The following PCDHGB2 variants were observed in gnomAD, a reference collection of about 807,000 sequenced individuals.
The protein encoded by PCDHGB2 is protocadherin gamma-B2.
Under a neutral mutation model 59.3 loss-of-function variants are expected in PCDHGB2, and 55 were observed. The ratio of observed to expected loss-of-function variants is 0.93; its 90% CI spans 0.75 to 1.16. The LOEUF is 1.16. Among genes scored for constraint, PCDHGB2 ranks in the 50% most tolerant of loss-of-function variants. PCDHGB2 has a pLI of 0.00. For missense variants in PCDHGB2, 1,228 were observed against 1,198.5 expected, an observed-to-expected ratio of 1.02 and a Z score of -0.36; for synonymous variants, 516 against 512.0, an observed-to-expected ratio of 1.01 and a Z score of -0.11.
At chr5:141,385,354 G>A (rs1781142945) in intron 1 of PCDHGB2, 1 of 1,550,398 alleles carries the variant, frequency 6.4e-7, no homozygotes, top group South Asian at 1.2e-5. Context: ...ATTTCCATGA[G>A]GAATTTATTT....
rs1326093295 is a variant in PCDHGB2 at position 141,364,677 on chromosome 5, T to TTTC, written c.2421+2123_2421+2124insCTT. The stretch of plus-strand genomic sequence containing the variant: ...ATCTTGGTTGAGAACAAAATGAAAA[T>TTTC]TTATGGAGTAGAAGTAGAAATAATC... On this transcript the variant is annotated intron_variant, in intron 1 of 3. Coordinates refer to ENST00000522605, the MANE Select transcript of PCDHGB2 (RefSeq NM_018923.3). The TTTC allele has an allele frequency of 3.7e-6, 6 of 1,613,806 alleles. No homozygotes were observed. In the African/African-American group the frequency reaches 6.7e-5, roughly 18 times the overall value.
intron 1 of PCDHGB2, chr5:141,413,488 C>T (rs2095648022): frequency 3.1e-6 from 5 of 1,613,868 alleles, no homozygotes; most frequent in Non-Finnish European, 3.4e-6. Context: ...TCAGAGCGCG[C>T]GGTGCGTGGT....
intron 3 of PCDHGB2, 43 bp downstream of exon 3, chr5:141,505,524 G>A: frequency 6.2e-7 from 1 of 1,612,712 alleles, no homozygotes; most frequent in Non-Finnish European, 8.5e-7. Context: ...GGAGACCTGG[G>A]GTTCTGGGGT....
At chr5:141,423,029 A>C (rs1049470142) in intron 1 of PCDHGB2, 1 of 1,614,218 alleles carries the variant, frequency 6.2e-7, no homozygotes, top group Non-Finnish European at 8.5e-7. Context: ...GATTCAGGCC[A>C]GAACGCCTGG....
intron 1 of PCDHGB2, chr5:141,403,631 C>A (rs751580878): frequency 2.5e-6 from 4 of 1,613,912 alleles, no homozygotes; most frequent in Non-Finnish European, 2.5e-6. Flanking sequence ...CAGCACAGTG[C>A]GCATCCATGT....
Position 141,395,354 on chromosome 5 carries a change from T to A in PCDHGB2, c.2421+32798T>A, listed in dbSNP as rs375237289. ...ATAATTTTTAAGGTGTATCACAGAG[T>A]TTTGGGTTTATTTTGGTGGTGTTAC... On this transcript the variant is annotated intron_variant, in intron 1 of 3. Coordinates refer to ENST00000522605, the MANE Select transcript of PCDHGB2 (RefSeq NM_018923.3). 28 of 1,357,052 alleles carry A rather than the reference T, an allele frequency of 2.1e-5. No homozygotes were observed. The Middle Eastern group carries it at 1.0e-3, about 51-fold the overall frequency. 84.1% of individuals were successfully genotyped at this position (1,357,052 alleles called of 1,614,324 possible).
chr5:141,405,192 G>A (rs2154536235), intron 1 of PCDHGB2: 5 of 1,613,938 alleles, frequency 3.1e-6, no homozygotes, highest in East Asian at 2.2e-5. Context: ...GATGGGGTTC[G>A]AGCTTTCCTA....
Position 141,491,034 on chromosome 5 carries a change from T to G in PCDHGB2, c.2422-3773T>G, listed in dbSNP as rs375902824. 1 of 1,614,170 alleles carries G rather than the reference T, an allele frequency of 6.2e-7. No homozygotes were observed. The highest frequency in any genetic ancestry group is 8.5e-7 in the Non-Finnish European group (1 of 1,180,024). On this transcript the variant is annotated intron_variant, in intron 1 of 3. Coordinates refer to ENST00000522605, the MANE Select transcript of PCDHGB2 (RefSeq NM_018923.3). The surrounding 1 kb of genome is among the most constrained non-coding windows in gnomAD (Gnocchi z 6.9). ...CCAAGGTGACAGCCGTGGATGCTGATGCAGGCCACAATGCGTGGCTCTCCT... is the reference window on the plus strand; with the variant it reads ...CCAAGGTGACAGCCGTGGATGCTGAGGCAGGCCACAATGCGTGGCTCTCCT...
At chr5:141,463,834 A>G (rs1212299231) in intron 1 of PCDHGB2, among the ~76,000 whole-genome samples, 4 of 152,108 alleles carry the variant, frequency 2.6e-5, no homozygotes, top group East Asian at 1.9e-4. Flanking sequence ...TCCACTTCCC[A>G]GTTGTTATAG....
At chr5:141,469,079 C>T (rs1169035651) in intron 1 of PCDHGB2, among the ~76,000 whole-genome samples, 1 of 151,492 alleles carries the variant, frequency 6.6e-6, no homozygotes, top group Non-Finnish European at 1.5e-5. Context: ...GAGTTTGAGA[C>T]CATTCTAGGC....
At chr5:141,415,754 T>TTG in intron 1 of PCDHGB2, 4 of 1,385,736 alleles carry the variant, frequency 2.9e-6, no homozygotes, top group South Asian at 1.7e-5. Flanking sequence ...TTTTTTTTTT[T>TTG]TTTTTTTTTT....
intron 1 of PCDHGB2, 177 bp from the exon 2 acceptor site, chr5:141,494,630 C>T (rs991482599): frequency 5.8e-6 from 5 of 866,562 alleles, no homozygotes; most frequent in Non-Finnish European, 6.9e-6. Flanking sequence ...GTACCTCAGA[C>T]CTCTGAGACC....
At chr5:141,449,531 G>A (rs1421489293) in intron 1 of PCDHGB2, among the ~76,000 whole-genome samples, 2 of 149,216 alleles carry the variant, frequency 1.3e-5, no homozygotes, top group Admixed American at 6.7e-5. Flanking sequence ...GGAGGTTGCA[G>A]TGAGCCGAGA....
intron 1 of PCDHGB2, chr5:141,468,497 C>T (rs1033597673): frequency 2.0e-5 from 3 of 152,074 alleles, no homozygotes; most frequent in Non-Finnish European, 4.4e-5. Context: ...GGAAGATTTT[C>T]ATGTGGACAA....
chr5:141,479,606 T>TA (rs1315315740), intron 1 of PCDHGB2: 1 of 152,184 alleles, frequency 6.6e-6, no homozygotes, highest in Non-Finnish European at 1.5e-5. Context: ...GCCTAGGCAA[T>TA]ATAGGGAAAC....
chr5:141,487,919 A>G lies in PCDHGB2; in HGVS notation c.2422-6888A>G, dbSNP rs548678238. ...ATGGAATGTGGGAGCACAGGAGGCTACAGTGCACAGGGTACAGTGCACCAG... is the reference window on the plus strand; with the variant it reads ...ATGGAATGTGGGAGCACAGGAGGCTGCAGTGCACAGGGTACAGTGCACCAG... On this transcript the variant is annotated intron_variant, in intron 1 of 3. Transcript: ENST00000522605. The surrounding 1 kb of genome is among the most constrained non-coding windows in gnomAD (Gnocchi z 5.0). 23 of 644,878 alleles carry G rather than the reference A, an allele frequency of 3.6e-5. No individual in the cohort carries two copies. Among genetic ancestry groups the G allele is most frequent in the Non-Finnish European group, 5.6e-5 (21 of 374,374 alleles). 39.9% of individuals were successfully genotyped at this position (644,878 alleles called of 1,614,324 possible). A position where few individuals can be genotyped will look rare whatever the true frequency, so the allele number is the denominator to read the frequency against.
At chr5:141,414,481 C>T (rs1011579090) in intron 1 of PCDHGB2, 2 of 1,613,948 alleles carry the variant, frequency 1.2e-6, no homozygotes, top group Non-Finnish European at 1.7e-6. Context: ...AAGTCCTCCT[C>T]TATCAACGGA....
intron 2 of PCDHGB2, among the ~76,000 whole-genome samples, chr5:141,498,411 C>T (rs747823234): frequency 2.0e-5 from 3 of 152,158 alleles, no homozygotes; most frequent in Non-Finnish European, 4.4e-5. Context: ...TTTCTCTTTG[C>T]TGGCACTGGA....
chr5:141,448,135 TA>T (rs2098567569), intron 1 of PCDHGB2, among the ~76,000 whole-genome samples: 1 of 151,880 alleles, frequency 6.6e-6, no homozygotes, highest in South Asian at 2.1e-4. Flanking sequence ...CCACCCTCAC[TA>T]TACCTCAGAC....
Sources: allele counts gnomAD v4.1 joint callset (sites outside exome capture counted in the v4.1 genomes callset), GRCh38; gene constraint gnomAD v4.1.1; non-coding constraint Gnocchi (gnomAD v3.1); transcripts MANE v1.5; gene names NCBI Gene and HGNC (gene_info 2026-07-23, HGNC 2026-07-21).